Variants in ARID4A observed in about 807,000 individuals in gnomAD.
ARID4A encodes AT-rich interaction domain 4A.
In ARID4A, 39 loss-of-function variants were observed where a neutral mutation model predicts 148.6. The ratio of observed to expected loss-of-function variants is 0.26; its 90% CI spans 0.20 to 0.34. The LOEUF (loss-of-function observed/expected upper bound fraction) is 0.34. Ranked by LOEUF, ARID4A falls within the 10% of genes least tolerant of loss-of-function variation. The pLI is 1.00. For synonymous variants in ARID4A, 475 were observed against 481.2 expected, an observed-to-expected ratio of 0.99 and a Z score of 0.17; for missense variants, 1,265 against 1,449.1, an observed-to-expected ratio of 0.87 and a Z score of 2.06.
At chr14:58,326,241 T>C (rs1396188369) in intron 8 of ARID4A, among the ~76,000 whole-genome samples, 1 of 152,134 alleles carries the variant, frequency 6.6e-6, no homozygotes, top group Admixed American at 6.5e-5. Context: ...ATCGAGACCA[T>C]CCTGGCTAAC....
chr14:58,306,613 C>T (rs2031622481), intron 5 of ARID4A, among the ~76,000 whole-genome samples: 1 of 152,194 alleles, frequency 6.6e-6, no homozygotes, highest in Admixed American at 6.5e-5. Context: ...CATGTTGGCT[C>T]ATGCCTGTAA....
chr14:58,356,805 G>A (rs1444644815), intron 17 of ARID4A, among the ~76,000 whole-genome samples: 4 of 151,340 alleles, frequency 2.6e-5, no homozygotes, highest in East Asian at 3.9e-4. Context: ...GGGTTCAAGC[G>A]ATTCTCCTGC....
chr14:58,321,223 C>A (rs979042577), intron 7 of ARID4A, among the ~76,000 whole-genome samples: 7 of 152,278 alleles, frequency 4.6e-5, no homozygotes, highest in African/African-American at 1.4e-4. Context: ...CTTTGATTCA[C>A]AAATTTTATC....
intron 11 of ARID4A, among the ~76,000 whole-genome samples, chr14:58,335,128 C>T (rs1279821345): frequency 6.6e-6 from 1 of 152,124 alleles, no homozygotes; most frequent in Non-Finnish European, 1.5e-5. Flanking sequence ...TCCTATTTGA[C>T]TGTTGAGTAG....
At chr14:58,348,540 C>T (rs1216740883) in intron 15 of ARID4A, among the ~76,000 whole-genome samples, 2 of 152,160 alleles carry the variant, frequency 1.3e-5, no homozygotes, top group African/African-American at 4.8e-5. Context: ...AACTTTGCTC[C>T]TTCTTTCCTT....
intron 19 of ARID4A, 110 bp from the exon 20 acceptor site, chr14:58,364,060 C>T (rs948625034): frequency 1.2e-5 from 6 of 518,608 alleles, no homozygotes; most frequent in Non-Finnish European, 1.8e-5. Context: ...GGGAGGTATT[C>T]AGAGGTACAT....
chr14:58,339,403 A>G (rs1226641576), intron 11 of ARID4A, among the ~76,000 whole-genome samples: 1 of 152,114 alleles, frequency 6.6e-6, no homozygotes, highest in Non-Finnish European at 1.5e-5. Context: ...ACCTTTCCTC[A>G]CTTTAAAAAT....
At position 58,303,488 on chromosome 14, in the gene ARID4A, T is replaced by C. The variant is rs1391242013; in HGVS notation, c.118-1456T>C. On this transcript the variant is annotated intron_variant, in intron 3 of 23. Transcript: ENST00000355431. ...TATTGTCATTGGTATTGGATCATGC[T>C]GTATTGCAGTTTGCTTTATTCACTT... is the stretch of plus-strand genomic sequence containing the variant. The C allele has an allele frequency of 4.3e-6, 2 of 469,308 alleles. 1 individual carries two copies. The highest frequency in any genetic ancestry group is 4.0e-5 in the African/African-American group (2 of 50,070). 29.1% of individuals were successfully genotyped at this position (469,308 alleles called of 1,614,324 possible).
At chr14:58,304,880 G>A in intron 3 of ARID4A, 64 bp from the exon 4 acceptor site, 1 of 1,302,706 alleles carries the variant, frequency 7.7e-7, no homozygotes, top group Non-Finnish European at 1.1e-6. Context: ...TATTGTTATA[G>A]TGTTACTATA....
chr14:58,301,660 T>C lies in ARID4A; in HGVS notation c.87T>C (p.Ile29=), dbSNP rs2031180232. 2 of 1,613,944 alleles carry C rather than the reference T, an allele frequency of 1.2e-6. No homozygotes were observed. Among genetic ancestry groups the C allele is most frequent in the Non-Finnish European group, 1.7e-6 (2 of 1,179,884 alleles). ...KYRGAFCEAK[I]KTVKRLVKVK... Reference sequence around the variant, plus strand: ...GAGGTGCCTTCTGTGAGGCAAAGATTAAGACTGTGAAAAGGCTGGTGAAAG... The same window carrying C: ...GAGGTGCCTTCTGTGAGGCAAAGATCAAGACTGTGAAAAGGCTGGTGAAAG... The change falls in exon 3 of 24, where the codon ATT becomes ATC. Residue 29 remains isoleucine, a synonymous_variant. Coordinates refer to ENST00000355431, the MANE Select transcript of ARID4A (RefSeq NM_002892.4).
At chr14:58,335,636 G>A (rs553815938) in intron 11 of ARID4A, among the ~76,000 whole-genome samples, 5 of 152,172 alleles carry the variant, frequency 3.3e-5, no homozygotes, top group South Asian at 2.1e-4. Context: ...TAACTTGTAC[G>A]TACTCAGACT....
intron 5 of ARID4A, among the ~76,000 whole-genome samples, chr14:58,311,916 G>A (rs1053800102): frequency 1.3e-5 from 2 of 149,832 alleles, no homozygotes; most frequent in Non-Finnish European, 3.0e-5. Flanking sequence ...CAGGGGTGGG[G>A]GCAGCTTGGT....
chr14:58,312,004 A>G (rs780748405), intron 5 of ARID4A, among the ~76,000 whole-genome samples: 6 of 152,168 alleles, frequency 3.9e-5, no homozygotes, highest in Admixed American at 2.6e-4. Flanking sequence ...AATAAGTTCA[A>G]GAGCTCCATT....
chr14:58,317,460 G>C (rs2032522085), intron 5 of ARID4A, among the ~76,000 whole-genome samples: 1 of 148,880 alleles, frequency 6.7e-6, no homozygotes, highest in African/African-American at 2.5e-5. Flanking sequence ...AATTTTTTTT[G>C]TATTTTTAGT....
chr14:58,364,241 A>G lies in ARID4A; in HGVS notation c.2152A>G (p.Lys718Glu). 1 of 1,527,052 alleles carries G rather than the reference A, an allele frequency of 6.5e-7. No individual in the cohort carries two copies. The highest frequency in any genetic ancestry group is 8.7e-7 in the Non-Finnish European group (1 of 1,143,746). 94.6% of individuals were successfully genotyped at this position (1,527,052 alleles called of 1,614,324 possible). A position where few individuals can be genotyped will look rare whatever the true frequency, so the allele number is the denominator to read the frequency against. ...KNLINEELSLKDELEKNENLN... is the reference protein window; with the variant it reads ...KNLINEELSLEDELEKNENLN... ...TTTAATAAATGAAGAACTTTCTCTT[A>G]AAGATGAACTAGAAAAAAATGAAAA... The change falls in exon 20 of 24, where the codon AAA (lysine) becomes GAA (glutamate). Residue 718 changes from lysine to glutamate, a missense_variant. Around this residue, in one of 9 missense-constraint regions of ARID4A, gnomAD observed 666 missense variants for 730.9 expected, o/e 0.91. Transcript: ENST00000355431.
At chr14:58,360,631 G>T in intron 18 of ARID4A, among the ~76,000 whole-genome samples, 1 of 152,106 alleles carries the variant, frequency 6.6e-6, no homozygotes, top group East Asian at 1.9e-4. Context: ...ATTACAAATT[G>T]TACAATATTG....
At position 58,371,900 on chromosome 14, in the gene ARID4A, G is replaced by A. The variant is rs200268284; in HGVS notation, c.3685G>A (p.Ala1229Thr). 367 of 1,612,898 alleles carry A rather than the reference G, an allele frequency of 2.3e-4. No individual in the cohort carries two copies. The highest frequency in any genetic ancestry group is 2.9e-4 in the Non-Finnish European group (338 of 1,179,156). ...KKDREVSHAG[A>T]SMSSASSDTG... is the part of the protein sequence containing the mutation. ...TGATTCCACAGTGTCTCATGCGGGAGCCTCCATGTCATCTGCTTCATCAGA... is the reference window on the plus strand; with the variant it reads ...TGATTCCACAGTGTCTCATGCGGGAACCTCCATGTCATCTGCTTCATCAGA... Residue 1229 changes from alanine (A) to threonine (T), a missense_variant, in exon 24 of 24, where the codon GCC (alanine) becomes ACC (threonine). Ala to Thr is a moderately conservative substitution (Grantham distance 58, BLOSUM62 0). Coordinates refer to ENST00000355431, the MANE Select transcript of ARID4A (RefSeq NM_002892.4).
Position 58,347,649 on chromosome 14 carries a change from A to G in ARID4A, c.1175A>G (p.Tyr392Cys). Residue 392 changes from tyrosine to cysteine, a missense_variant and splice_region_variant, in exon 15 of 24, where the codon TAT (tyrosine) becomes TGT (cysteine). Physicochemically the swap from Tyr to Cys is radical, Grantham distance 194 (BLOSUM62 -2). Around this residue, in one of 9 missense-constraint regions of ARID4A, gnomAD observed 205 missense variants for 196.9 expected, o/e 1.04. Coordinates refer to ENST00000355431, the MANE Select transcript of ARID4A (RefSeq NM_002892.4). ...TAAATGAAATATTGTTTGTTTAGGT[A>G]TCTCTATGGTTTTGAGGAGTACTGC... ...SYNVKTAYRKYLYGFEEYCRS... is the reference protein window; with the variant it reads ...SYNVKTAYRKCLYGFEEYCRS... The G allele has an allele frequency of 6.4e-7, 1 of 1,566,198 alleles. No individual in the cohort carries two copies. The highest frequency in any genetic ancestry group is 8.7e-7 in the Non-Finnish European group (1 of 1,155,190).
At chr14:58,304,632 A>G (rs1373111926) in intron 3 of ARID4A, among the ~76,000 whole-genome samples, 1 of 152,178 alleles carries the variant, frequency 6.6e-6, no homozygotes, top group African/African-American at 2.4e-5. Flanking sequence ...TTGTGACTTG[A>G]TAAAAAGCAA....
Sources: gnomAD v4.1 joint callset for allele counts (sites outside exome capture counted in the v4.1 genomes callset) on GRCh38, gnomAD v4.1.1 for gene constraint, gnomAD v4.1.1 regional missense constraint, MANE v1.5 for transcripts, NCBI Gene and HGNC (gene_info 2026-07-23, HGNC 2026-07-21) for gene names.